MIA3: variants seen among roughly 807,000 people sequenced by gnomAD.
MIA3 encodes the protein transport and Golgi organization protein 1 homolog.
In MIA3, 90 loss-of-function variants were observed where a neutral mutation model predicts 192.4. The observed-to-expected ratio is 0.47, with a 90% CI of 0.39 to 0.56. The LOEUF is 0.56. Ranked by LOEUF, MIA3 falls within the 20% of genes least tolerant of loss-of-function variation. The probability of loss-of-function intolerance (pLI) is 0.00; values close to 1 mark genes in which losing one functional copy is unlikely to be tolerated. For synonymous variants in MIA3, 740 were observed against 792.8 expected (o/e 0.93, Z 1.12); for missense variants, 2,123 against 2,269.4 (o/e 0.94, Z 1.31).
At chr1:222,623,051 C>T (rs1661946797) in intron 2 of MIA3, among the ~76,000 whole-genome samples, 2 of 152,194 alleles carry the variant, frequency 1.3e-5, no homozygotes, top group African/African-American at 4.8e-5. Flanking sequence ...AATGGAAAGG[C>T]TCATGCCTTA....
chr1:222,640,782 T>C (rs1662819789), intron 6 of MIA3, among the ~76,000 whole-genome samples: 1 of 152,196 alleles, frequency 6.6e-6, no homozygotes, highest in African/African-American at 2.4e-5. Context: ...TAAAAACATC[T>C]CTTCAAAACA....
Position 222,645,702 on chromosome 1 carries a change from ATACT to A in MIA3, c.3609+19_3609+22del. The A allele has an allele frequency of 6.2e-7, 1 of 1,607,442 alleles. No homozygotes were observed. The highest frequency in any genetic ancestry group is 8.5e-7 in the Non-Finnish European group (1 of 1,176,318). On this transcript the variant is annotated intron_variant, in intron 7 of 27. Coordinates refer to ENST00000344922, the MANE Select transcript of MIA3 (RefSeq NM_198551.4). ...GTCCTTGTTGTGAGTAAATTAATGC[ATACT>A]TTAACTCATAAATTCAAGTATGGTT...
At chr1:222,641,886 G>GA in intron 6 of MIA3, 2 of 457,828 alleles carry the variant, frequency 4.4e-6, no homozygotes, top group South Asian at 1.6e-5. Flanking sequence ...CCTAAAACTG[G>GA]AAAAAATCAA....
chr1:222,658,616 A>G (rs1663851186), intron 18 of MIA3, 106 bp from the exon 19 acceptor site: 3 of 749,534 alleles, frequency 4.0e-6, no homozygotes, highest in South Asian at 4.0e-5. Context: ...TGTATAATCT[A>G]TGCATTTTTA....
intron 27 of MIA3, 111 bp from the exon 28 acceptor site, chr1:222,665,198 A>G: frequency 1.9e-5 from 2 of 103,802 alleles, no homozygotes; most frequent in Admixed American, 8.8e-5. Flanking sequence ...CCCTGCCGCC[A>G]AAAAAAAAAA....
In MIA3 at chr1:222,654,769, A is replaced by C. The variant is rs1663626530; in HGVS notation, c.4583A>C (p.Gln1528Pro). 1.2e-6 allele frequency: 2 copies of C among 1,613,878 alleles called. No homozygotes were observed. Among genetic ancestry groups the C allele is most frequent in the African/African-American group, 2.7e-5 (2 of 74,924 alleles). The part of the protein sequence containing the change: ...QKVEILNELY[Q>P]QKEMALQKKL... ...GTGGAGATTCTGAATGAGCTCTATC[A>C]GCAGAAGGAGATGGCTTTGCAAAAG... The change falls in exon 18 of 28, where the codon CAG becomes CCG. Residue 1528 changes from glutamine (Q) to proline (P), a missense_variant. By Grantham distance (76) the Gln-to-Pro change is moderately conservative. Coordinates refer to ENST00000344922, the MANE Select transcript of MIA3 (RefSeq NM_198551.4).
chr1:222,633,048 T>C, intron 5 of MIA3, 56 bp from the exon 6 acceptor site: 3 of 1,519,232 alleles, frequency 2.0e-6, no homozygotes, highest in Non-Finnish European at 1.8e-6. Context: ...TAAGTATTTT[T>C]TAAAGAGAAT....
At chr1:222,664,752 A>G (rs1019889598) in intron 27 of MIA3, 46 of 197,538 alleles carry the variant, frequency 2.3e-4, no homozygotes, top group Admixed American at 3.5e-4. Flanking sequence ...GAGCTACTGC[A>G]TAAATTTTTA....
chr1:222,665,142 T>C (rs1664212727), intron 27 of MIA3, 167 bp from the exon 28 acceptor site: 3 of 577,394 alleles, frequency 5.2e-6, no homozygotes, highest in Non-Finnish European at 8.8e-6. Context: ...GAGGCTGCAG[T>C]GAGCCATGAT....
chr1:222,664,814 C>A, intron 27 of MIA3: 2 of 274,780 alleles, frequency 7.3e-6, no homozygotes, highest in Non-Finnish European at 1.6e-5. Flanking sequence ...TGCAATGAAG[C>A]CATATTTAGT....
rs3748626 is a variant in MIA3 at position 222,629,461 on chromosome 1, T to G, written c.2241T>G (p.Pro747=). 0.67 allele frequency: 1,082,122 copies of G among 1,613,802 alleles called. 371,071 individuals carry two copies. The highest frequency in any genetic ancestry group is 0.71 in the Non-Finnish European group (834,653 of 1,179,954). ...INAKRSKEKN[P]GNQGRQFDVN... is the part of the protein sequence containing the mutation. ...CAAAACGGTCTAAAGAAAAAAACCC[T>G]GGGAATCAGGGCAGGCAGTTTGATG... The change falls in exon 4 of 28, where the codon CCT becomes CCG. Residue 747 remains proline (P), a synonymous_variant. Coordinates refer to ENST00000344922, the MANE Select transcript of MIA3 (RefSeq NM_198551.4).
chr1:222,643,969 G>A (rs1368171919), intron 6 of MIA3, among the ~76,000 whole-genome samples: 2 of 152,210 alleles, frequency 1.3e-5, no homozygotes, highest in Admixed American at 6.5e-5. Context: ...GCGCACTGCA[G>A]TGGCGCCCCA....
Position 222,664,086 on chromosome 1 carries a change from G to A in MIA3, c.5351G>A (p.Arg1784Gln), listed in dbSNP as rs950931387. Residue 1784 changes from arginine to glutamine, a missense_variant, in exon 27 of 28, where the codon CGA (arginine) becomes CAA (glutamine). Arg to Gln is a conservative substitution (Grantham distance 43). Around this residue, in one of 3 missense-constraint regions of MIA3, gnomAD observed 762 missense variants for 856.4 expected, o/e 0.89. Transcript: ENST00000344922. ...PMGGPVPPPIRYGPPPQLCGP... is the reference protein window; with the variant it reads ...PMGGPVPPPIQYGPPPQLCGP... Reference sequence around the variant, plus strand: ...GGAGGCCCTGTACCACCACCCATTCGATATGGACCACCACCTCAGCTCTGC... The same window carrying A: ...GGAGGCCCTGTACCACCACCCATTCAATATGGACCACCACCTCAGCTCTGC... 38 of 1,614,038 alleles carry A rather than the reference G, an allele frequency of 2.4e-5. No homozygotes were observed. The highest frequency in any genetic ancestry group is 5.5e-5 in the South Asian group (5 of 91,086).
chr1:222,656,026 G>C (rs2124917951), intron 18 of MIA3, among the ~76,000 whole-genome samples: 1 of 134,066 alleles, frequency 7.5e-6, no homozygotes, highest in African/African-American at 2.7e-5. Flanking sequence ...CTGGAGTGCA[G>C]TGGCGTGGTC....
rs761250593 is a variant in MIA3 at position 222,645,652 on chromosome 1, G to A, written c.3576G>A (p.Ser1192=). The part of the protein sequence containing the change: ...VFITAFLGIA[S]FAIFLWRTVL... ...TCACTGCCTTCTTGGGAATTGCTTC[G>A]TTTGCCATTTTCTTATGGAGAACTG... The change falls in exon 7 of 28, where the codon TCG becomes TCA. Residue 1192 remains serine, a synonymous_variant. Transcript: ENST00000344922. The A allele has an allele frequency of 6.2e-7, 1 of 1,613,848 alleles. No individual in the cohort carries two copies. The highest frequency in any genetic ancestry group is 8.5e-7 in the Non-Finnish European group (1 of 1,179,908).
intron 14 of MIA3, 36 bp from the exon 15 acceptor site, chr1:222,653,192 G>C: frequency 6.3e-7 from 1 of 1,595,912 alleles, no homozygotes; most frequent in Non-Finnish European, 8.6e-7. Flanking sequence ...TGAATTAAAT[G>C]GAAAGACTCT....
intron 3 of MIA3, among the ~76,000 whole-genome samples, chr1:222,625,355 A>G (rs537632492): frequency 6.6e-6 from 1 of 152,326 alleles, no homozygotes; most frequent in Non-Finnish European, 1.5e-5. Context: ...TATATGTGAA[A>G]AATTAAGAGT....
Position 222,628,469 on chromosome 1 carries a change from G to A in MIA3, c.1249G>A (p.Asp417Asn). 6.2e-7 allele frequency: 1 copy of A among 1,612,706 alleles called. No homozygotes were observed. Among genetic ancestry groups the A allele is most frequent in the Non-Finnish European group, 8.5e-7 (1 of 1,179,648 alleles). ...SSEEEKEDDD[D>N]ALVPDSKQGK... ...AGAGGAAGAAAAAGAAGATGATGAT[G>A]ATGCATTAGTCCCAGATAGCAAACA... The change falls in exon 4 of 28, where the codon GAT (aspartate) becomes AAT (asparagine). Residue 417 changes from aspartate to asparagine, a missense_variant. Asp to Asn is a conservative substitution (Grantham distance 23). Around this residue, in one of 3 missense-constraint regions of MIA3, gnomAD observed 1,357 missense variants for 1,396.1 expected, o/e 0.97. Transcript: ENST00000344922.
In MIA3 at chr1:222,618,169, T is replaced by A; in HGVS notation, c.59T>A (p.Val20Glu). Residue 20 changes from valine (V) to glutamate (E), a missense_variant, in exon 1 of 28, where the codon GTG (valine) becomes GAG (glutamate). Coordinates refer to ENST00000344922, the MANE Select transcript of MIA3 (RefSeq NM_198551.4). ...WLLVLRLPWR[V>E]PGQLDPSTGR... Reference sequence around the variant, plus strand: ...CTCGTGCTCCGGCTGCCCTGGCGGGTGCCGGGCCAGCTGGACCCCAGCACT... The same window carrying A: ...CTCGTGCTCCGGCTGCCCTGGCGGGAGCCGGGCCAGCTGGACCCCAGCACT... 6.7e-7 allele frequency: 1 copy of A among 1,502,126 alleles called. No individual in the cohort carries two copies. The allele number at this position is 1,502,126 out of a possible 1,614,324, so 93.0% of individuals were successfully genotyped here.
Sources: allele counts gnomAD v4.1 joint callset (sites outside exome capture counted in the v4.1 genomes callset), GRCh38; gene constraint gnomAD v4.1.1; regional missense constraint gnomAD v4.1.1; transcripts MANE v1.5; gene names NCBI Gene and HGNC (gene_info 2026-07-23, HGNC 2026-07-21).